ATP7A: variants seen among roughly 807,000 people sequenced by gnomAD.
The protein encoded by ATP7A is copper-transporting ATPase 1.
A neutral mutation model predicts 83.5 loss-of-function variants in ATP7A; 7 were observed. The observed-to-expected ratio is 0.08, with a 90% CI of 0.05 to 0.16. The LOEUF (loss-of-function observed/expected upper bound fraction) is 0.16. Ranked by LOEUF, ATP7A falls within the 10% of genes least tolerant of loss-of-function variation. The probability of loss-of-function intolerance (pLI) is 1.00; values close to 1 mark genes in which losing one functional copy is unlikely to be tolerated. For synonymous variants in ATP7A, 354 were observed against 395.2 expected, an observed-to-expected ratio of 0.90 and a Z score of 1.24; for missense variants, 940 against 1,120.8, an observed-to-expected ratio of 0.84 and a Z score of 2.30.
In ATP7A at chrX:78,042,526, A is replaced by C. The variant is rs781923168; in HGVS notation, c.3802-59A>C. 2.0e-5 allele frequency: 22 copies of C among 1,103,402 alleles called. No individual in the cohort carries two copies. The South Asian group carries it at 3.9e-4, about 19-fold the overall frequency. The allele number at this position is 1,103,402 out of a possible 1,213,427, so 90.9% of individuals were successfully genotyped here. ...GAAAACTGATGGCTTGTTATTGCTCAGTTATGTTTCACGTACTCATTATTT... is the reference window on the plus strand; with the variant it reads ...GAAAACTGATGGCTTGTTATTGCTCCGTTATGTTTCACGTACTCATTATTT... On this transcript the variant is annotated intron_variant, in intron 19 of 22. Transcript: ENST00000341514.
At chrX:77,941,463 A>G (rs1464395579) in intron 1 of ATP7A, among the ~76,000 whole-genome samples, 2 of 110,705 alleles carry the variant, frequency 1.8e-5, no homozygotes, top group Non-Finnish European at 3.8e-5. Context: ...GCTGGTCTTG[A>G]ACTCCTGGCC....
Position 77,988,521 on chromosome X carries a change from G to T in ATP7A, c.400G>T (p.Val134Leu), listed in dbSNP as rs371441365. 1 of 1,211,518 alleles carries T rather than the reference G, an allele frequency of 8.3e-7. No individual in the cohort carries two copies. Among genetic ancestry groups the T allele is most frequent in the African/African-American group, 1.7e-5 (1 of 57,814 alleles). ...AGCAGTGACAATAATCCCTTCTATA[G>T]TGAATGCCAATCAGATAAAAGAGCT... ...TVAVTIIPSI[V>L]NANQIKELVP... The change falls in exon 3 of 23, where the codon GTG becomes TTG. Residue 134 changes from valine to leucine, a missense_variant. Coordinates refer to ENST00000341514, the MANE Select transcript of ATP7A (RefSeq NM_000052.7).
intron 1 of ATP7A, among the ~76,000 whole-genome samples, chrX:77,967,567 A>G (rs781920526): frequency 2.7e-5 from 3 of 111,635 alleles, no homozygotes; most frequent in Non-Finnish European, 5.6e-5. Flanking sequence ...AGAAATGTCT[A>G]TTCATATCCT....
In ATP7A at chrX:77,989,471, T is replaced by C. The variant is rs782773745; in HGVS notation, c.849T>C (p.Ile283=). The C allele has an allele frequency of 1.1e-5, 13 of 1,210,277 alleles. No individual in the cohort carries two copies. The East Asian group carries it at 3.8e-4, about 36-fold the overall frequency. ...YTNDSTATFI[I]DGMHCKSCVS... The stretch of plus-strand genomic sequence containing the variant: ...ATGATTCAACAGCCACTTTCATCAT[T>C]GATGGCATGCATTGTAAATCATGTG... The change falls in exon 4 of 23, where the codon ATT becomes ATC. Residue 283 remains isoleucine (I), a synonymous_variant. Coordinates refer to ENST00000341514, the MANE Select transcript of ATP7A (RefSeq NM_000052.7).
intron 1 of ATP7A, among the ~76,000 whole-genome samples, chrX:77,953,299 A>G (rs1404684415): frequency 9.0e-6 from 1 of 111,412 alleles, no homozygotes; most frequent in Non-Finnish European, 1.9e-5. Flanking sequence ...AATTTTCTTA[A>G]TATTTTTATA....
At chrX:77,965,658 AC>A (rs1413188772) in intron 1 of ATP7A, among the ~76,000 whole-genome samples, 1 of 112,085 alleles carries the variant, frequency 8.9e-6, no homozygotes, top group Non-Finnish European at 1.9e-5. Flanking sequence ...CTTAGGTATT[AC>A]CAAAGAGAAA....
intron 17 of ATP7A, among the ~76,000 whole-genome samples, chrX:78,034,491 T>A (rs1265712138): frequency 9.0e-6 from 1 of 111,510 alleles, no homozygotes. Flanking sequence ...TCTAGGTTTG[T>A]TGAATTCACT....
chrX:78,040,618 C>T lies in ATP7A; in HGVS notation c.3686C>T (p.Ala1229Val), dbSNP rs868967711. ...DDELCGLIAI[A>V]DTVKPEAELA... ...GAGCTGTGTGGCTTGATAGCCATTGCAGACACAGTGAAGCCTGAAGCAGAA... is the reference window on the plus strand; with the variant it reads ...GAGCTGTGTGGCTTGATAGCCATTGTAGACACAGTGAAGCCTGAAGCAGAA... The change falls in exon 19 of 23, where the codon GCA becomes GTA. Residue 1229 changes from alanine (A) to valine (V), a missense_variant. Physicochemically the swap from Ala to Val is moderately conservative, Grantham distance 64. Around this residue, in one of 3 missense-constraint regions of ATP7A, gnomAD observed 386 missense variants for 502.2 expected, o/e 0.77. Transcript: ENST00000341514. 8.3e-7 allele frequency: 1 copy of T among 1,209,680 alleles called. No individual in the cohort carries two copies. The highest frequency in any genetic ancestry group is 1.1e-6 in the Non-Finnish European group (1 of 894,781).
chrX:77,949,387 A>G (rs2077401274), intron 1 of ATP7A, among the ~76,000 whole-genome samples: 1 of 111,418 alleles, frequency 9.0e-6, no homozygotes, highest in Non-Finnish European at 1.9e-5. Context: ...TTACCCCCCA[A>G]TCTCTTAAAG....
At chrX:78,002,244 A>ATT (rs781804302) in intron 5 of ATP7A, among the ~76,000 whole-genome samples, 5 of 81,415 alleles carry the variant, frequency 6.1e-5, no homozygotes, top group Non-Finnish European at 7.4e-5. Context: ...TAATTTTTGT[A>ATT]TTTTTTTTTT....
intron 1 of ATP7A, among the ~76,000 whole-genome samples, chrX:77,930,261 G>A (rs1254201037): frequency 9.0e-6 from 1 of 111,531 alleles, no homozygotes; most frequent in Non-Finnish European, 1.9e-5. Context: ...GAGACCAGGA[G>A]TATAGTCTCA....
intron 1 of ATP7A, among the ~76,000 whole-genome samples, chrX:77,937,631 G>A (rs1414673982): frequency 9.0e-6 from 1 of 111,556 alleles, no homozygotes; most frequent in Non-Finnish European, 1.9e-5. Flanking sequence ...TCCTTGATTC[G>A]TGCAATAACA....
In ATP7A at chrX:78,049,257, CACAT is replaced by C. The variant is rs1383849537; in HGVS notation, c.*2693_*2696del. On this transcript the variant is annotated 3_prime_UTR_variant, in exon 23 of 23. Transcript: ENST00000341514. ...TTATAAATGTGTATTTCTGTGTATT[CACAT>C]ACATATATATATACACACATATATA... 4.5e-5 allele frequency: 5 copies of C among 111,754 alleles called. No homozygotes were observed. Among genetic ancestry groups the C allele is most frequent in the African/African-American group, 1.3e-4 (4 of 30,766 alleles). 9.2% of individuals were successfully genotyped at this position (111,754 alleles called of 1,213,427 possible). A position where few individuals can be genotyped will look rare whatever the true frequency, so the allele number is the denominator to read the frequency against.
At chrX:78,038,704 A>G in intron 17 of ATP7A, 132 bp from the exon 18 acceptor site, 3 of 731,741 alleles carry the variant, frequency 4.1e-6, no homozygotes, top group East Asian at 6.4e-5. Flanking sequence ...TTTGAACATC[A>G]CTGTTGGAGG....
At chrX:77,944,689 C>T (rs1285508510) in intron 1 of ATP7A, among the ~76,000 whole-genome samples, 2 of 109,496 alleles carry the variant, frequency 1.8e-5, no homozygotes, top group African/African-American at 6.7e-5. Context: ...CTCCTGTGCC[C>T]GGCCCCAAGT....
chrX:77,994,499 G>A (rs1557232348), intron 4 of ATP7A, among the ~76,000 whole-genome samples: 2 of 111,134 alleles, frequency 1.8e-5, no homozygotes, highest in Non-Finnish European at 3.8e-5. Flanking sequence ...ACCATGTATA[G>A]CATCTACCTA....
chrX:78,023,213 T>C (rs1426977380), intron 14 of ATP7A, among the ~76,000 whole-genome samples: 1 of 112,501 alleles, frequency 8.9e-6, no homozygotes, highest in Non-Finnish European at 1.9e-5. Context: ...GGTGACTCCA[T>C]GTCTTTGCTA....
Position 77,988,701 on chromosome X carries a change from G to T in ATP7A, c.580G>T (p.Gly194Trp). 8.3e-7 allele frequency: 1 copy of T among 1,211,044 alleles called. No homozygotes were observed. Among genetic ancestry groups the T allele is most frequent in the Non-Finnish European group, 1.1e-6 (1 of 895,148 alleles). ...TACTAGCACTATTGAAGGAAAAATTGGGAAACTGCAAGGTGTTCAGCGAAT... is the reference window on the plus strand; with the variant it reads ...TACTAGCACTATTGAAGGAAAAATTTGGAAACTGCAAGGTGTTCAGCGAAT... Reference protein sequence around the residue: ...SCTSTIEGKIGKLQGVQRIKV... With the variant: ...SCTSTIEGKIWKLQGVQRIKV... The change falls in exon 3 of 23, where the codon GGG becomes TGG. Residue 194 changes from glycine (G) to tryptophan (W), a missense_variant. Coordinates refer to ENST00000341514, the MANE Select transcript of ATP7A (RefSeq NM_000052.7).
intron 1 of ATP7A, among the ~76,000 whole-genome samples, chrX:77,950,220 A>G (rs1312312369): frequency 8.9e-6 from 1 of 112,262 alleles, no homozygotes; most frequent in African/African-American, 3.2e-5. Context: ...AATCATTTAG[A>G]AGCATCTCAG....
Sources: gnomAD v4.1 joint callset for allele counts (sites outside exome capture counted in the v4.1 genomes callset) on GRCh38, gnomAD v4.1.1 for gene constraint, gnomAD v4.1.1 regional missense constraint, MANE v1.5 for transcripts, NCBI Gene and HGNC (gene_info 2026-07-23, HGNC 2026-07-21) for gene names.